PLCE1: variants seen among roughly 807,000 people sequenced by gnomAD.
PLCE1 encodes the protein 1-phosphatidylinositol 4,5-bisphosphate phosphodiesterase epsilon-1.
PLCE1 carries 119 observed loss-of-function variants against 242.8 expected under a neutral mutation model. The ratio of observed to expected loss-of-function variants is 0.49; its 90% CI spans 0.42 to 0.57. The LOEUF is 0.57. Among genes scored for constraint, PLCE1 ranks in the 20% least tolerant of loss-of-function variants. PLCE1 has a pLI of 0.00. For synonymous variants in PLCE1, 945 were observed against 1,017.4 expected (o/e 0.93, Z 1.35); for missense variants, 2,441 against 2,788.8 (o/e 0.88, Z 2.81).
chr10:94,222,429 A>T (rs1476343062), intron 4 of PLCE1, among the ~76,000 whole-genome samples: 1 of 152,206 alleles, frequency 6.6e-6, no homozygotes, highest in Non-Finnish European at 1.5e-5. Context: ...GGTCACCGAC[A>T]CTGCTGCTTA....
intron 1 of PLCE1, among the ~76,000 whole-genome samples, chr10:94,012,715 C>G (rs997127366): frequency 6.6e-6 from 1 of 152,058 alleles, no homozygotes; most frequent in African/African-American, 2.4e-5. Flanking sequence ...CCCCTTCCCT[C>G]CCCTGCACCC....
At chr10:94,106,912 T>TTCTCTCTC (rs771182277) in intron 2 of PLCE1, among the ~76,000 whole-genome samples, 397 of 38,746 alleles carry the variant, frequency 0.01, 16 homozygotes, top group Middle Eastern at 0.062. Flanking sequence ...TGTCTCTTGT[T>TTCTCTCTC]TCTCTCTCTC....
In PLCE1 at chr10:94,031,532, C is replaced by A. The variant is rs2061557095; in HGVS notation, c.486C>A (p.Gly162=). 1 of 1,612,284 alleles carries A rather than the reference C, an allele frequency of 6.2e-7. No individual in the cohort carries two copies. The highest frequency in any genetic ancestry group is 2.2e-5 in the East Asian group (1 of 44,856). ...TGGAACTAGACAGACCTTCCATGGGCATTAGTCCTTTAGGAAATCAGTCAG... is the reference window on the plus strand; with the variant it reads ...TGGAACTAGACAGACCTTCCATGGGAATTAGTCCTTTAGGAAATCAGTCAG... ...IQLELDRPSM[G]ISPLGNQSVI... The change falls in exon 2 of 33, where the codon GGC becomes GGA. Residue 162 remains glycine (G), a synonymous_variant. Transcript: ENST00000371380.
At chr10:94,296,365 CAAA>C (rs35526010) in intron 23 of PLCE1, among the ~76,000 whole-genome samples, 51 of 89,264 alleles carry the variant, frequency 5.7e-4, no homozygotes, top group African/African-American at 1.9e-3. Context: ...GACTCCATCT[CAAA>C]AAAAAAAAAA....
chr10:94,155,268 A>G (rs1776945), intron 3 of PLCE1, among the ~76,000 whole-genome samples: 40,550 of 152,202 alleles, frequency 0.27, 6,890 homozygotes, highest in Non-Finnish European at 0.39. Flanking sequence ...AAAATGTGGT[A>G]TATACATACA....
intron 2 of PLCE1, among the ~76,000 whole-genome samples, chr10:94,090,795 C>T (rs115760220): frequency 7.6e-4 from 115 of 152,182 alleles, no homozygotes; most frequent in African/African-American, 2.6e-3. Flanking sequence ...CAGTCTCTTG[C>T]GTTTTGTGTT....
At chr10:94,132,924 T>A (rs1359240643) in intron 3 of PLCE1, among the ~76,000 whole-genome samples, 1 of 127,994 alleles carries the variant, frequency 7.8e-6, no homozygotes, top group Non-Finnish European at 1.6e-5. Context: ...CACTCTAGCC[T>A]AGGCAACAGA....
At chr10:94,130,798 T>C (rs752036211) in intron 2 of PLCE1, among the ~76,000 whole-genome samples, 1 of 152,284 alleles carries the variant, frequency 6.6e-6, no homozygotes, top group East Asian at 1.9e-4. Flanking sequence ...CGGTGCATTC[T>C]GGGGTATCAT....
At chr10:94,033,178 G>T (rs551480044) in intron 2 of PLCE1, among the ~76,000 whole-genome samples, 1 of 151,974 alleles carries the variant, frequency 6.6e-6, no homozygotes, top group Admixed American at 6.6e-5. Flanking sequence ...GGGGTAGGGG[G>T]CAGTTCTGGA....
At chr10:94,140,737 G>A (rs2046929517) in intron 3 of PLCE1, among the ~76,000 whole-genome samples, 2 of 152,176 alleles carry the variant, frequency 1.3e-5, no homozygotes, top group Non-Finnish European at 2.9e-5. Context: ...AAATCAAAAC[G>A]ATTACCCTTT....
At chr10:94,129,295 C>G (rs1590083727) in intron 2 of PLCE1, among the ~76,000 whole-genome samples, 2 of 152,248 alleles carry the variant, frequency 1.3e-5, no homozygotes, top group South Asian at 2.1e-4. Flanking sequence ...TGGCACAGCA[C>G]TACGTCTACA....
intron 19 of PLCE1, among the ~76,000 whole-genome samples, chr10:94,274,128 G>A (rs944311993): frequency 7.3e-5 from 11 of 150,610 alleles, no homozygotes; most frequent in African/African-American, 1.9e-4. Context: ...TGATCCCAGC[G>A]TATCACTAGT....
chr10:94,033,493 A>G (rs1372142084), intron 2 of PLCE1, among the ~76,000 whole-genome samples: 1 of 152,112 alleles, frequency 6.6e-6, no homozygotes, highest in Non-Finnish European at 1.5e-5. Flanking sequence ...CACAGTTACT[A>G]TTACTACTAC....
At chr10:94,289,823 T>C (rs2052586146) in intron 22 of PLCE1, among the ~76,000 whole-genome samples, 1 of 152,172 alleles carries the variant, frequency 6.6e-6, no homozygotes, top group Non-Finnish European at 1.5e-5. Context: ...TACATGACTA[T>C]CGACTTTATA....
chr10:94,195,915 G>GC (rs1564777987), intron 4 of PLCE1, among the ~76,000 whole-genome samples: 1 of 152,038 alleles, frequency 6.6e-6, no homozygotes, highest in Non-Finnish European at 1.5e-5. Flanking sequence ...ATCAGTTTCT[G>GC]CCCCATAAGA....
chr10:94,326,159 T>A (rs1214880068), intron 32 of PLCE1, among the ~76,000 whole-genome samples: 1 of 152,214 alleles, frequency 6.6e-6, no homozygotes, highest in African/African-American at 2.4e-5. Flanking sequence ...TTCACAGATT[T>A]AAAATTCCCA....
rs367629770 is a variant in PLCE1 at position 94,259,131 on chromosome 10, C to T, written c.3795C>T (p.Ser1265=). Residue 1265 remains serine, a synonymous_variant, in exon 13 of 33, where the codon AGC becomes AGT. Transcript: ENST00000371380. ...YTNLTIDENT[S]DLQPDLDLLT... is the part of the protein sequence containing the mutation. ...ACCTGACAATTGATGAAAACACCAGCGATCTTCAGCCTGACCTAGGTTTGT... is the reference window on the plus strand; with the variant it reads ...ACCTGACAATTGATGAAAACACCAGTGATCTTCAGCCTGACCTAGGTTTGT... The T allele has an allele frequency of 5.9e-5, 96 of 1,614,038 alleles. No individual in the cohort carries two copies. Among genetic ancestry groups the T allele is most frequent in the East Asian group, 1.1e-4 (5 of 44,878 alleles).
intron 4 of PLCE1, among the ~76,000 whole-genome samples, chr10:94,178,416 C>T (rs1193794486): frequency 6.6e-6 from 1 of 152,164 alleles, no homozygotes; most frequent in African/African-American, 2.4e-5. Flanking sequence ...GTCTTTTCCC[C>T]TCCCCAATTC....
Position 94,306,510 on chromosome 10 carries a change from C to G in PLCE1, c.5706C>G (p.Asp1902Glu). The change falls in exon 26 of 33, where the codon GAC becomes GAG. Residue 1902 changes from aspartate to glutamate, a missense_variant. By Grantham distance (45) the Asp-to-Glu change is conservative. Coordinates refer to ENST00000371380, the MANE Select transcript of PLCE1 (RefSeq NM_016341.4). This position sits in a 1 kb window ranked among gnomAD's most constrained non-coding sequence, Gnocchi z 5.7. ...IEVDVLGMPL[D>E]SCHFRTKPIH... ...TCGACGTCCTGGGCATGCCTCTGGA[C>G]AGCTGCCATTTCCGCACAAAGCCCA... is the stretch of plus-strand genomic sequence containing the variant. 1 of 1,614,174 alleles carries G rather than the reference C, an allele frequency of 6.2e-7. No individual in the cohort carries two copies. Among genetic ancestry groups the G allele is most frequent in the Non-Finnish European group, 8.5e-7 (1 of 1,180,016 alleles).
Sources: gnomAD v4.1 joint callset for allele counts (sites outside exome capture counted in the v4.1 genomes callset) on GRCh38, gnomAD v4.1.1 for gene constraint, Gnocchi (gnomAD v3.1) non-coding constraint, MANE v1.5 for transcripts, NCBI Gene and HGNC (gene_info 2026-07-23, HGNC 2026-07-21) for gene names.